SBSPON: variants seen among roughly 807,000 people sequenced by gnomAD.
SBSPON encodes somatomedin-B and thrombospondin type-1 domain-containing protein.
Under a neutral mutation model 35.8 loss-of-function variants are expected in SBSPON, and 30 were observed. The observed-to-expected ratio is 0.84, with a 90% CI of 0.63 to 1.14. The LOEUF is 1.14. Among genes scored for constraint, SBSPON ranks in the 50% most tolerant of loss-of-function variants. The probability of loss-of-function intolerance (pLI) is 0.00; values close to 1 mark genes in which losing one functional copy is unlikely to be tolerated. For synonymous variants in SBSPON, 136 were observed against 135.9 expected, an observed-to-expected ratio of 1.00 and a Z score of 0.00; for missense variants, 364 against 357.7, an observed-to-expected ratio of 1.02 and a Z score of -0.14.
chr8:73,078,627 G>A lies in SBSPON; in HGVS notation c.409+2392C>T, dbSNP rs7840978. Among the ~76,000 whole-genome samples the A allele has an allele frequency of 8.0e-3, 1,219 of 152,182 alleles. 16 individuals carry two copies. Among genetic ancestry groups the A allele is most frequent in the African/African-American group, 0.027 (1,141 of 41,520 alleles). On this transcript the variant is annotated intron_variant, in intron 2 of 4. Transcript: ENST00000297354. Reference sequence around the variant, plus strand: ...GTAGGTGGGCTGCTTTTCCAGATAGGTTGGCGCTAGCTTTTAAGATCCACC... The same window carrying A: ...GTAGGTGGGCTGCTTTTCCAGATAGATTGGCGCTAGCTTTTAAGATCCACC...
At position 73,092,889 on chromosome 8, in the gene SBSPON, C is replaced by T. The variant is rs1810962502; in HGVS notation, c.179G>A (p.Gly60Glu). ...CCTGTCGTAGTCGAAGCAGCAGTCC[C>T]CGGTGAAGCGACAGGCTTGGTCGCA... ...CFCDQACRFTGDCCFDYDRAC... is the reference protein window; with the variant it reads ...CFCDQACRFTEDCCFDYDRAC... The change falls in exon 1 of 5, where the codon GGG (glycine) becomes GAG (glutamate). Residue 60 changes from glycine (G) to glutamate (E), a missense_variant. Coordinates refer to ENST00000297354, the MANE Select transcript of SBSPON (RefSeq NM_153225.4). 1.2e-6 allele frequency: 2 copies of T among 1,611,964 alleles called. No homozygotes were observed. The highest frequency in any genetic ancestry group is 1.7e-6 in the Non-Finnish European group (2 of 1,179,508).
chr8:73,092,803 C>A, intron 1 of SBSPON, 51 bp downstream of exon 1: 1 of 1,452,220 alleles, frequency 6.9e-7, no homozygotes, highest in South Asian at 1.2e-5. Context: ...GCCCTGTGCC[C>A]GTTGGTTGCA....
intron 2 of SBSPON, chr8:73,074,379 C>T (rs1239692768): frequency 6.5e-6 from 1 of 155,006 alleles, no homozygotes; most frequent in East Asian, 1.9e-4. Flanking sequence ...TCTAAGTTTC[C>T]AGGGACAACT....
intron 1 of SBSPON, among the ~76,000 whole-genome samples, chr8:73,092,328 T>C (rs1432001376): frequency 2.0e-5 from 3 of 152,238 alleles, no homozygotes; most frequent in Non-Finnish European, 2.9e-5. Flanking sequence ...TTCAGATTTT[T>C]AAGACCTTGC....
At chr8:73,080,130 TG>T (rs1391794880) in intron 2 of SBSPON, among the ~76,000 whole-genome samples, 3 of 152,166 alleles carry the variant, frequency 2.0e-5, no homozygotes, top group African/African-American at 7.2e-5. Context: ...GCCCCTCCAT[TG>T]GCCACTCCAA....
intron 4 of SBSPON, among the ~76,000 whole-genome samples, chr8:73,069,315 G>T (rs1417511210): frequency 4.0e-5 from 6 of 151,764 alleles, no homozygotes; most frequent in Non-Finnish European, 5.9e-5. Context: ...GACAGAGTCT[G>T]GCTCTATCAC....
At position 73,080,327 on chromosome 8, in the gene SBSPON, G is replaced by A. The variant is rs375057029; in HGVS notation, c.409+692C>T. 4.2e-3 allele frequency among the ~76,000 whole-genome samples: 634 copies of A among 152,146 alleles called. 5 individuals are homozygous for A. The highest frequency in any genetic ancestry group is 0.014 in the African/African-American group (600 of 41,508). ...CAGGAGATCGAGACCATCCTGGCTA[G>A]CACAGTGAAACCCCGTCTCTACTAA... On this transcript the variant is annotated intron_variant, in intron 2 of 4. Transcript: ENST00000297354.
intron 1 of SBSPON, among the ~76,000 whole-genome samples, chr8:73,086,874 A>G (rs1422865067): frequency 1.3e-5 from 2 of 152,212 alleles, no homozygotes; most frequent in Non-Finnish European, 2.9e-5. Flanking sequence ...CAACAAACAT[A>G]TATTTTGTAG....
intron 2 of SBSPON, among the ~76,000 whole-genome samples, chr8:73,077,128 A>T (rs1168318283): frequency 6.6e-6 from 1 of 151,842 alleles, no homozygotes; most frequent in African/African-American, 2.4e-5. Flanking sequence ...CTGGTCTCGA[A>T]CTCCTGACCT....
chr8:73,071,743 A>C, intron 3 of SBSPON, 37 bp downstream of exon 3: 1 of 1,261,494 alleles, frequency 7.9e-7, no homozygotes, highest in Non-Finnish European at 1.1e-6. Context: ...ATACAATTGA[A>C]AAACATGATT....
At position 73,092,999 on chromosome 8, in the gene SBSPON, G is replaced by C; in HGVS notation, c.69C>G (p.Ala23=). Residue 23 remains alanine (A), a synonymous_variant, in exon 1 of 5, where the codon GCC becomes GCG. Coordinates refer to ENST00000297354, the MANE Select transcript of SBSPON (RefSeq NM_153225.4). ...RLWPGAQAGC[A]EAGRCCPGRD... ...GGCCGGGACAGCAGCGCCCGGCCTC[G>C]GCGCAGCCGGCCTGGGCCCCGGGCC... 6.6e-7 allele frequency: 1 copy of C among 1,504,856 alleles called. No homozygotes were observed. Among genetic ancestry groups the C allele is most frequent in the Non-Finnish European group, 8.9e-7 (1 of 1,129,842 alleles). 93.2% of individuals were successfully genotyped at this position (1,504,856 alleles called of 1,614,324 possible).
chr8:73,087,268 T>C (rs183156581), intron 1 of SBSPON, among the ~76,000 whole-genome samples: 107 of 152,300 alleles, frequency 7.0e-4, no homozygotes, highest in Middle Eastern at 6.8e-3. Flanking sequence ...ATTAGTGGTG[T>C]GACTTTGGAC....
intron 1 of SBSPON, among the ~76,000 whole-genome samples, chr8:73,084,739 C>G (rs932194842): frequency 1.4e-5 from 2 of 147,344 alleles, no homozygotes; most frequent in African/African-American, 2.5e-5. Flanking sequence ...TCGCCTAGCC[C>G]CACTACACAG....
At chr8:73,068,356 CAT>C (rs1464995037) in intron 4 of SBSPON, among the ~76,000 whole-genome samples, 1 of 152,152 alleles carries the variant, frequency 6.6e-6, no homozygotes, top group African/African-American at 2.4e-5. Context: ...GACTAATAAA[CAT>C]AAATTCTAGT....
rs1265638165 is a variant in SBSPON, at chr8:73,071,798, G to A, written c.482C>T (p.Thr161Ile). 1.3e-6 allele frequency: 2 copies of A among 1,598,884 alleles called. No individual in the cohort carries two copies. Among genetic ancestry groups the A allele is most frequent in the South Asian group, 1.1e-5 (1 of 90,674 alleles). ...AAATTACCCAGCATCCTCTGTGTGTGTAGACCAGTGTGGAGACGTAGCTTG... is the reference window on the plus strand; with the variant it reads ...AAATTACCCAGCATCCTCTGTGTGTATAGACCAGTGTGGAGACGTAGCTTG... ...TRQATSPHWS[T>I]HTEDAGYCME... Residue 161 changes from threonine to isoleucine, a missense_variant, in exon 3 of 5, where the codon ACA becomes ATA. Transcript: ENST00000297354.
At chr8:73,082,587 A>T (rs1020690552) in intron 1 of SBSPON, among the ~76,000 whole-genome samples, 1 of 152,258 alleles carries the variant, frequency 6.6e-6, no homozygotes, top group African/African-American at 2.4e-5. Flanking sequence ...ACCCACAGGT[A>T]TCACATGTCA....
chr8:73,078,936 C>T (rs1810644703), intron 2 of SBSPON, among the ~76,000 whole-genome samples: 1 of 152,146 alleles, frequency 6.6e-6, no homozygotes, highest in Non-Finnish European at 1.5e-5. Flanking sequence ...AGGGTGTTCT[C>T]TGTGCGCCCC....
In SBSPON at chr8:73,092,861, C is replaced by G; in HGVS notation, c.207G>C (p.Ala69=). ...TGDCCFDYDR[A]CPARPCFVGE... is the part of the protein sequence containing the mutation. ...CTCGGCCTGACCACCCACCTGGGCACGCCCTGTCGTAGTCGAAGCAGCAGT... is the reference window on the plus strand; with the variant it reads ...CTCGGCCTGACCACCCACCTGGGCAGGCCCTGTCGTAGTCGAAGCAGCAGT... The change falls in exon 1 of 5, where the codon GCG becomes GCC. Residue 69 remains alanine (A), a synonymous_variant. Transcript: ENST00000297354. 1 of 1,610,220 alleles carries G rather than the reference C, an allele frequency of 6.2e-7. No individual in the cohort carries two copies. Among genetic ancestry groups the G allele is most frequent in the Non-Finnish European group, 8.5e-7 (1 of 1,178,616 alleles).
At chr8:73,082,598 A>G (rs559549566) in intron 1 of SBSPON, among the ~76,000 whole-genome samples, 1 of 152,364 alleles carries the variant, frequency 6.6e-6, no homozygotes, top group Admixed American at 6.5e-5. Context: ...TCACATGTCA[A>G]CTACCTAAAG....
Sources: allele counts gnomAD v4.1 joint callset (sites outside exome capture counted in the v4.1 genomes callset), GRCh38; gene constraint gnomAD v4.1.1; transcripts MANE v1.5; gene names NCBI Gene and HGNC (gene_info 2026-07-23, HGNC 2026-07-21).